KHDRBS3: variants seen among roughly 807,000 people sequenced by gnomAD.
KHDRBS3 encodes KH RNA binding domain containing, signal transduction associated 3.
A neutral mutation model predicts 45.6 loss-of-function variants in KHDRBS3; 23 were observed. The observed-to-expected ratio is 0.50, with a 90% confidence interval of 0.36 to 0.72. KHDRBS3 has a LOEUF of 0.72. Among genes scored for constraint, KHDRBS3 ranks in the 30% least tolerant of loss-of-function variants. The pLI, the probability that KHDRBS3 is intolerant of heterozygous loss-of-function variation, is 0.00. For synonymous variants in KHDRBS3, 162 were observed against 156.5 expected (o/e 1.04, Z -0.26); for missense variants, 352 against 424.8 (o/e 0.83, Z 1.51).
intron 7 of KHDRBS3, among the ~76,000 whole-genome samples, chr8:135,611,403 C>T (rs1482810630): frequency 1.3e-5 from 2 of 152,070 alleles, no homozygotes; most frequent in East Asian, 1.9e-4. Context: ...CACTACAGCA[C>T]TCTTAGCTTA....
intron 6 of KHDRBS3, among the ~76,000 whole-genome samples, chr8:135,606,033 A>G (rs906540637): frequency 2.0e-5 from 3 of 152,004 alleles, no homozygotes; most frequent in Non-Finnish European, 4.4e-5. Context: ...TAAAGTCTCT[A>G]TTTCTTGTGC....
At chr8:135,595,504 G>A (rs961504887) in intron 6 of KHDRBS3, among the ~76,000 whole-genome samples, 2 of 152,124 alleles carry the variant, frequency 1.3e-5, no homozygotes, top group Admixed American at 6.5e-5. Flanking sequence ...ATTAGACTAT[G>A]CGATAATCTG....
chr8:135,580,142 T>G (rs2130918460), intron 5 of KHDRBS3, among the ~76,000 whole-genome samples: 1 of 152,320 alleles, frequency 6.6e-6, no homozygotes, highest in African/African-American at 2.4e-5. Flanking sequence ...TCCCAACCAG[T>G]GCTCAAGAAT....
At chr8:135,528,296 C>A (rs1018619238) in intron 2 of KHDRBS3, among the ~76,000 whole-genome samples, 18 of 152,062 alleles carry the variant, frequency 1.2e-4, no homozygotes, top group African/African-American at 4.1e-4. Flanking sequence ...GGGAAACTTT[C>A]TTTTTTGAAG....
chr8:135,616,654 C>G (rs1829928680), intron 7 of KHDRBS3, among the ~76,000 whole-genome samples: 1 of 152,150 alleles, frequency 6.6e-6, no homozygotes, highest in Non-Finnish European at 1.5e-5. Context: ...ATGACAGATG[C>G]TGCAGAGAGT....
At chr8:135,646,972 G>T in intron 8 of KHDRBS3, 21 bp from the exon 9 acceptor site, 1 of 1,338,028 alleles carries the variant, frequency 7.5e-7, no homozygotes, top group Non-Finnish European at 1.1e-6. Flanking sequence ...ATCTAATTGT[G>T]ATTCATCTTA....
chr8:135,485,391 G>A (rs1413548224), intron 1 of KHDRBS3, among the ~76,000 whole-genome samples: 1 of 151,518 alleles, frequency 6.6e-6, no homozygotes, highest in East Asian at 1.9e-4. Context: ...AGTTTGCCAG[G>A]TATCTACACG....
intron 7 of KHDRBS3, among the ~76,000 whole-genome samples, chr8:135,641,839 C>A (rs1220717700): frequency 6.6e-6 from 1 of 152,262 alleles, no homozygotes; most frequent in Non-Finnish European, 1.5e-5. Context: ...ACTTTAATAG[C>A]ATTCTCATAT....
At chr8:135,537,303 G>A (rs1420355956) in intron 2 of KHDRBS3, among the ~76,000 whole-genome samples, 6 of 152,122 alleles carry the variant, frequency 3.9e-5, no homozygotes, top group African/African-American at 1.4e-4. Context: ...TCAGCTTTTT[G>A]GTGAGCACTC....
At chr8:135,611,162 A>C (rs554452162) in intron 7 of KHDRBS3, among the ~76,000 whole-genome samples, 26 of 152,016 alleles carry the variant, frequency 1.7e-4, no homozygotes, top group South Asian at 1.2e-3. Context: ...TACCTGAAGG[A>C]GTACAGAGAA....
chr8:135,616,462 C>T (rs977038992), intron 7 of KHDRBS3, among the ~76,000 whole-genome samples: 1 of 152,180 alleles, frequency 6.6e-6, no homozygotes, highest in Non-Finnish European at 1.5e-5. Context: ...GCCACTGTCA[C>T]TTTACTCTTT....
intron 5 of KHDRBS3, among the ~76,000 whole-genome samples, chr8:135,565,997 A>G (rs928822572): frequency 1.3e-5 from 2 of 152,238 alleles, no homozygotes; most frequent in Non-Finnish European, 2.9e-5. Context: ...TTGTTACACC[A>G]GAAGTAGAAC....
intron 5 of KHDRBS3, among the ~76,000 whole-genome samples, chr8:135,568,088 A>G (rs1051160855): frequency 6.6e-6 from 1 of 152,204 alleles, no homozygotes; most frequent in Admixed American, 6.5e-5. Flanking sequence ...CTTGCCACAC[A>G]CACAGCCCCA....
intron 1 of KHDRBS3, among the ~76,000 whole-genome samples, chr8:135,467,144 TAAAC>T (rs1821738026): frequency 6.6e-6 from 1 of 152,226 alleles, no homozygotes; most frequent in African/African-American, 2.4e-5. Flanking sequence ...AAATAAAAAT[TAAAC>T]AAGATTAAAT....
chr8:135,584,092 G>GAA (rs1828343106), intron 6 of KHDRBS3, among the ~76,000 whole-genome samples: 1 of 152,168 alleles, frequency 6.6e-6, no homozygotes, highest in East Asian at 1.9e-4. Flanking sequence ...ACCAGACAAA[G>GAA]GTTTAAGAGC....
intron 1 of KHDRBS3, among the ~76,000 whole-genome samples, chr8:135,464,423 T>C (rs1395089676): frequency 1.3e-5 from 2 of 152,236 alleles, no homozygotes; most frequent in Non-Finnish European, 2.9e-5. Flanking sequence ...TGAAGTTCTG[T>C]CTCTTGAGGG....
intron 6 of KHDRBS3, among the ~76,000 whole-genome samples, chr8:135,585,567 G>T (rs1828432145): frequency 6.6e-6 from 1 of 151,940 alleles, no homozygotes; most frequent in East Asian, 1.9e-4. Flanking sequence ...TTTACTGAAT[G>T]AATGAATGAA....
intron 1 of KHDRBS3, among the ~76,000 whole-genome samples, chr8:135,510,729 G>A (rs548432723): frequency 4.6e-5 from 7 of 152,220 alleles, no homozygotes; most frequent in African/African-American, 1.4e-4. Context: ...CACTGCACCC[G>A]GCCAGTTGAT....
chr8:135,543,656 T>C (rs1438865240), intron 3 of KHDRBS3, among the ~76,000 whole-genome samples: 3 of 152,242 alleles, frequency 2.0e-5, no homozygotes, highest in Non-Finnish European at 4.4e-5. Flanking sequence ...CATTCCTTCA[T>C]GTTATCCTTG....
Sources: gnomAD v4.1 joint callset for allele counts (sites outside exome capture counted in the v4.1 genomes callset) on GRCh38, gnomAD v4.1.1 for gene constraint, MANE v1.5 for transcripts, NCBI Gene and HGNC (gene_info 2026-07-23, HGNC 2026-07-21) for gene names.